CALN1: variants seen among roughly 807,000 people sequenced by gnomAD.
The protein encoded by CALN1 is calcium-binding protein 8.
In CALN1, 17 loss-of-function variants were observed where a neutral mutation model predicts 30.6. The observed-to-expected ratio is 0.56, with a 90% CI of 0.38 to 0.83. The LOEUF is 0.83. Ranked by LOEUF, CALN1 falls within the 40% of genes least tolerant of loss-of-function variation. The probability of loss-of-function intolerance (pLI) is 0.00; values close to 1 mark genes in which losing one functional copy is unlikely to be tolerated. For synonymous variants in CALN1, 156 were observed against 131.4 expected (o/e 1.19, Z -1.28); for missense variants, 291 against 354.9 (o/e 0.82, Z 1.45).
At chr7:72,380,287 C>T (rs983281110) in intron 2 of CALN1, among the ~76,000 whole-genome samples, 4 of 152,114 alleles carry the variant, frequency 2.6e-5, no homozygotes, top group Admixed American at 1.3e-4. Context: ...CACTGCAACA[C>T]ACAGGAAGGA....
At chr7:71,886,791 AAT>A (rs1370748906) in intron 5 of CALN1, among the ~76,000 whole-genome samples, 16 of 151,770 alleles carry the variant, frequency 1.1e-4, no homozygotes, top group African/African-American at 3.4e-4. Context: ...AAAAAAAAAA[AAT>A]ATTGCATGCC....
intron 2 of CALN1, among the ~76,000 whole-genome samples, chr7:72,344,017 CTATTTTTTTT>C (rs929649813): frequency 3.3e-5 from 5 of 151,776 alleles, no homozygotes; most frequent in Admixed American, 2.6e-4. Flanking sequence ...AAAGAAAGGT[CTATTTTTTTT>C]TATTTTTTAA....
chr7:71,895,924 G>A (rs1793507438), intron 5 of CALN1, among the ~76,000 whole-genome samples: 1 of 152,136 alleles, frequency 6.6e-6, no homozygotes, highest in East Asian at 1.9e-4. Context: ...ATAGGAGGGA[G>A]GCTCCAAATG....
At chr7:72,090,385 AT>A in intron 4 of CALN1, among the ~76,000 whole-genome samples, 1 of 152,214 alleles carries the variant, frequency 6.6e-6, no homozygotes, top group East Asian at 1.9e-4. Context: ...TTTCTATAAA[AT>A]TTATGAAGTA....
intron 2 of CALN1, among the ~76,000 whole-genome samples, chr7:72,305,198 C>A (rs79224815): frequency 1.3e-3 from 197 of 152,316 alleles, no homozygotes; most frequent in African/African-American, 4.7e-3. Context: ...CAGAGAACTG[C>A]GGAGGATTGC....
intron 5 of CALN1, among the ~76,000 whole-genome samples, chr7:71,926,652 G>T (rs868064291): frequency 1.3e-5 from 2 of 151,974 alleles, no homozygotes; most frequent in Admixed American, 1.3e-4. Context: ...TCTGATATTA[G>T]CCCGTTGATC....
upstream of CALN1, among the ~76,000 whole-genome samples, chr7:72,447,302 A>G (rs1808559189): frequency 6.6e-6 from 1 of 152,104 alleles, no homozygotes; most frequent in Non-Finnish European, 1.5e-5. Flanking sequence ...CTGCTGGGAA[A>G]GCTTCCTGCA....
chr7:71,925,941 C>A (rs1562906907), intron 5 of CALN1, among the ~76,000 whole-genome samples: 1 of 152,176 alleles, frequency 6.6e-6, no homozygotes, highest in Non-Finnish European at 1.5e-5. Context: ...GCAACCTCTG[C>A]CTCCTGGGTT....
the CALN1 span, among the ~76,000 whole-genome samples, chr7:72,491,347 T>A: frequency 4.9e-4 from 75 of 151,942 alleles, no homozygotes; most frequent in African/African-American, 1.7e-3. Flanking sequence ...GGCGGGAAGA[T>A]CAGTTGAGGC....
intron 5 of CALN1, among the ~76,000 whole-genome samples, chr7:71,980,656 G>T (rs1459665660): frequency 6.6e-6 from 1 of 152,074 alleles, no homozygotes; most frequent in African/African-American, 2.4e-5. Flanking sequence ...CCACTTCCAC[G>T]CCCTCTGCAA....
At chr7:72,088,603 G>T (rs888640977) in intron 4 of CALN1, among the ~76,000 whole-genome samples, 3 of 151,276 alleles carry the variant, frequency 2.0e-5, no homozygotes, top group Admixed American at 1.3e-4. Flanking sequence ...GGAGGCTGAG[G>T]CACAAGAATC....
intron 3 of CALN1, among the ~76,000 whole-genome samples, chr7:72,132,727 G>A (rs1315026946): frequency 6.6e-6 from 1 of 152,176 alleles, no homozygotes; most frequent in African/African-American, 2.4e-5. Flanking sequence ...AATATTGTAT[G>A]TCCCCGGCTA....
intron 5 of CALN1, among the ~76,000 whole-genome samples, chr7:71,999,819 A>AT (rs569629075): frequency 6.6e-5 from 10 of 152,078 alleles, no homozygotes; most frequent in East Asian, 5.8e-4. Flanking sequence ...AGCCATATGC[A>AT]TTTTTTTTAA....
At chr7:72,175,259 G>C (rs920211229) in intron 3 of CALN1, among the ~76,000 whole-genome samples, 1 of 152,112 alleles carries the variant, frequency 6.6e-6, no homozygotes, top group African/African-American at 2.4e-5. Context: ...ATTTTTAGTA[G>C]AGACAGGGTT....
chr7:72,252,380 A>G (rs57151899), intron 3 of CALN1, among the ~76,000 whole-genome samples: 53,152 of 151,990 alleles, frequency 0.35, 10,401 homozygotes, highest in Middle Eastern at 0.55. Flanking sequence ...CAGGCAGATC[A>G]CTTGAGCTCA....
intron 5 of CALN1, among the ~76,000 whole-genome samples, chr7:71,867,910 A>AT (rs1310767389): frequency 6.6e-6 from 1 of 152,154 alleles, no homozygotes; most frequent in African/African-American, 2.4e-5. Context: ...GTTCTTACTT[A>AT]TTTATGAGGA....
chr7:72,102,697 A>C (rs1345629104), intron 4 of CALN1, among the ~76,000 whole-genome samples: 1 of 152,206 alleles, frequency 6.6e-6, no homozygotes, highest in Admixed American at 6.5e-5. Flanking sequence ...AATGTCCAGC[A>C]GAAGCAACTA....
chr7:72,501,928 A>AAAAAATATATATATATATATAT, the CALN1 span, among the ~76,000 whole-genome samples: 2 of 57,966 alleles, frequency 3.5e-5, no homozygotes, highest in African/African-American at 9.9e-5. Flanking sequence ...AAAAAAAAAA[A>AAAAAATATATATATATATATAT]ATATATATAT....
chr7:72,048,146 T>TC (rs1171613999), intron 4 of CALN1, among the ~76,000 whole-genome samples: 18 of 151,740 alleles, frequency 1.2e-4, no homozygotes, highest in Admixed American at 3.3e-4. Flanking sequence ...TTCAAGCGAT[T>TC]CCCCTGCCTC....
Sources: allele counts gnomAD v4.1 joint callset (sites outside exome capture counted in the v4.1 genomes callset), GRCh38; gene constraint gnomAD v4.1.1; transcripts MANE v1.5; gene names NCBI Gene and HGNC (gene_info 2026-07-23, HGNC 2026-07-21).